AMBRA1: variants seen among roughly 807,000 people sequenced by gnomAD.
AMBRA1 encodes the protein activating molecule in BECN1-regulated autophagy protein 1.
AMBRA1 carries 47 observed loss-of-function variants against 125.4 expected under a neutral mutation model. That is an observed-to-expected ratio of 0.37 (90% CI 0.30 to 0.48). AMBRA1 has a LOEUF of 0.48. Among genes scored for constraint, AMBRA1 ranks in the 20% least tolerant of loss-of-function variants. The pLI is 0.99. For synonymous variants in AMBRA1, 626 were observed against 655.5 expected (o/e 0.95, Z 0.69); for missense variants, 1,331 against 1,693.4 (o/e 0.79, Z 3.76).
At chr11:46,580,115 T>C (rs2044120756) in intron 1 of AMBRA1, among the ~76,000 whole-genome samples, 3 of 152,240 alleles carry the variant, frequency 2.0e-5, no homozygotes, top group African/African-American at 4.8e-5. Flanking sequence ...TCCTCCAATA[T>C]TGTTCTTGCT....
At chr11:46,508,406 A>G in intron 8 of AMBRA1, 36 bp from the exon 9 acceptor site, 7 of 1,598,754 alleles carry the variant, frequency 4.4e-6, no homozygotes, top group Non-Finnish European at 5.1e-6. Context: ...ACAAACTAGC[A>G]CTAATGTGGG....
At chr11:46,504,917 T>C (rs1950976270) in intron 9 of AMBRA1, among the ~76,000 whole-genome samples, 1 of 152,222 alleles carries the variant, frequency 6.6e-6, no homozygotes, top group Non-Finnish European at 1.5e-5. Flanking sequence ...CCACAAAAGA[T>C]GGGCTCTGAG....
At chr11:46,518,285 C>T in intron 7 of AMBRA1, 2 of 187,278 alleles carry the variant, frequency 1.1e-5, no homozygotes, top group South Asian at 6.7e-5. Context: ...CAAAAATTAG[C>T]CGGGCGTGGT....
intron 1 of AMBRA1, among the ~76,000 whole-genome samples, chr11:46,549,690 C>T (rs2042929482): frequency 6.6e-6 from 1 of 152,174 alleles, no homozygotes; most frequent in Non-Finnish European, 1.5e-5. Context: ...TAAAAAAAAT[C>T]CAGACTCTAA....
At chr11:46,529,506 A>G (rs1952120964) in intron 7 of AMBRA1, among the ~76,000 whole-genome samples, 1 of 152,202 alleles carries the variant, frequency 6.6e-6, no homozygotes, top group Non-Finnish European at 1.5e-5. Context: ...GTGGTAGGGC[A>G]CTTAGGAAAT....
At chr11:46,522,708 C>T (rs1159085756) in intron 7 of AMBRA1, among the ~76,000 whole-genome samples, 1 of 152,178 alleles carries the variant, frequency 6.6e-6, no homozygotes, top group African/African-American at 2.4e-5. Context: ...ACAGATATAT[C>T]CTTAAAAGTC....
At position 46,459,356 on chromosome 11, in the gene AMBRA1, ATTAC is replaced by A. The variant is rs146862085; in HGVS notation, c.2522-15762_2522-15759del. 8.7e-3 allele frequency among the ~76,000 whole-genome samples: 1,322 copies of A among 152,280 alleles called. 9 individuals are homozygous for A. Among genetic ancestry groups the A allele is most frequent in the African/African-American group, 0.031 (1,275 of 41,562 alleles). On this transcript the variant is annotated intron_variant, in intron 11 of 17. Transcript: ENST00000683756. ...AACATTTTACTTTATATATTTTGGT[ATTAC>A]TTGAATTATTTACAGTGAAACTATA...
At chr11:46,472,976 C>T (rs1949663195) in intron 11 of AMBRA1, among the ~76,000 whole-genome samples, 1 of 152,196 alleles carries the variant, frequency 6.6e-6, no homozygotes, top group Non-Finnish European at 1.5e-5. Context: ...AACCTCAAAT[C>T]AACCTGATAT....
chr11:46,483,643 T>C (rs1950159603), intron 11 of AMBRA1, among the ~76,000 whole-genome samples: 1 of 152,192 alleles, frequency 6.6e-6, no homozygotes, highest in South Asian at 2.1e-4. Flanking sequence ...CTCATGCCTG[T>C]AATCGCAGCA....
At chr11:46,467,846 C>G (rs778939377) in intron 11 of AMBRA1, among the ~76,000 whole-genome samples, 1 of 152,074 alleles carries the variant, frequency 6.6e-6, no homozygotes, top group African/African-American at 2.4e-5. Context: ...TAGAAGAGAT[C>G]TGGGAGAGAG....
chr11:46,397,397 G>T lies in AMBRA1; in HGVS notation c.*53C>A. 6.9e-7 allele frequency: 1 copy of T among 1,457,608 alleles called. No individual in the cohort carries two copies. The highest frequency in any genetic ancestry group is 1.6e-5 in the South Asian group (1 of 63,164). The allele number at this position is 1,457,608 out of a possible 1,614,324, so 90.3% of individuals were successfully genotyped here. On this transcript the variant is annotated 3_prime_UTR_variant, in exon 18 of 18. Transcript: ENST00000683756. Reference sequence around the variant, plus strand: ...ATGTCCAGTTCCCAGTCAGCTGTGAGGTCCGGTTTCTGCTTGGCGGTTCGA... The same window carrying T: ...ATGTCCAGTTCCCAGTCAGCTGTGATGTCCGGTTTCTGCTTGGCGGTTCGA...
chr11:46,541,326 G>A (rs921607895), intron 7 of AMBRA1, among the ~76,000 whole-genome samples: 29 of 152,228 alleles, frequency 1.9e-4, no homozygotes, highest in Admixed American at 1.4e-3. Flanking sequence ...CCACCTGGAA[G>A]GTCCATTCAG....
intron 8 of AMBRA1, among the ~76,000 whole-genome samples, chr11:46,511,448 G>A (rs1308932971): frequency 2.0e-5 from 3 of 152,192 alleles, no homozygotes; most frequent in Admixed American, 1.3e-4. Context: ...AGAATGCTCA[G>A]TGTCATGACA....
At chr11:46,426,560 G>A (rs1335352131) in intron 14 of AMBRA1, among the ~76,000 whole-genome samples, 1 of 152,192 alleles carries the variant, frequency 6.6e-6, no homozygotes, top group East Asian at 1.9e-4. Context: ...TTTCCTAAAT[G>A]AATGGCTCTG....
chr11:46,429,896 T>C lies in AMBRA1; in HGVS notation c.2976+3578A>G, dbSNP rs181868895. Among the ~76,000 whole-genome samples the C allele has an allele frequency of 5.3e-5, 8 of 151,988 alleles. No homozygotes were observed. In the East Asian group the frequency reaches 1.2e-3, roughly 22 times the overall value. ...AAACAAAAATTAACAAAAAGCCCTC[T>C]CTGGCTCAAGCAGAAGGGAATCAGA... On this transcript the variant is annotated intron_variant, in intron 14 of 17. Coordinates refer to ENST00000683756, the MANE Select transcript of AMBRA1 (RefSeq NM_001387011.1).
intron 17 of AMBRA1, among the ~76,000 whole-genome samples, chr11:46,404,449 C>T (rs1039497594): frequency 6.6e-6 from 1 of 152,228 alleles, no homozygotes; most frequent in Non-Finnish European, 1.5e-5. Context: ...TGCCTCAGAG[C>T]AAGGCTCCTT....
chr11:46,569,440 A>AAAAAAAATATAT (rs1477022124), intron 1 of AMBRA1, among the ~76,000 whole-genome samples: 4 of 131,386 alleles, frequency 3.0e-5, no homozygotes, highest in African/African-American at 1.2e-4. Flanking sequence ...AAAAAAAAAA[A>AAAAAAAATATAT]ATATATATAT....
chr11:46,477,540 C>A (rs993916885), intron 11 of AMBRA1, among the ~76,000 whole-genome samples: 1 of 151,712 alleles, frequency 6.6e-6, no homozygotes, highest in Admixed American at 6.6e-5. Flanking sequence ...TGAGCTCTCA[C>A]TATGTTGCCC....
intron 11 of AMBRA1, among the ~76,000 whole-genome samples, chr11:46,466,440 T>C (rs1038929387): frequency 9.2e-5 from 14 of 151,886 alleles, no homozygotes; most frequent in African/African-American, 2.9e-4. Context: ...AATGGCTACC[T>C]GAGAAGGAGC....
Sources: allele counts gnomAD v4.1 joint callset (sites outside exome capture counted in the v4.1 genomes callset), GRCh38; gene constraint gnomAD v4.1.1; transcripts MANE v1.5; gene names NCBI Gene and HGNC (gene_info 2026-07-23, HGNC 2026-07-21).